Variants in UBXN11 observed in about 807,000 individuals in gnomAD.
The protein encoded by UBXN11 is UBX domain protein 11, also known as UBX domain-containing protein 11.
A neutral mutation model predicts 62.8 loss-of-function variants in UBXN11; 47 were observed. The observed-to-expected ratio is 0.75, with a 90% CI of 0.59 to 0.95. The LOEUF (loss-of-function observed/expected upper bound fraction) is 0.95, where lower values mean the gene tolerates loss of function less well. UBXN11 is among the 40% of genes least tolerant of loss of function. The pLI is 0.00. For synonymous variants in UBXN11, 294 were observed against 267.0 expected (o/e 1.10, Z -0.99); for missense variants, 638 against 661.7 (o/e 0.96, Z 0.39).
rs537188568 is a variant in UBXN11, at chr1:26,285,550, G to T, written c.775-9C>A. On this transcript the variant is annotated splice_polypyrimidine_tract_variant and intron_variant, in intron 9 of 14. Coordinates refer to ENST00000374222, the MANE Select transcript of UBXN11 (RefSeq NM_001389556.1). The stretch of plus-strand genomic sequence containing the variant: ...ATGTCTCGGAGGCAGCGCTGCAAGG[G>T]AAGAGGAAAAGTGAGGGGGTGGCCT... The T allele has an allele frequency of 6.4e-7, 1 of 1,570,262 alleles. No individual in the cohort carries two copies. The highest frequency in any genetic ancestry group is 2.3e-5 in the East Asian group (1 of 44,102).
intron 1 of UBXN11, among the ~76,000 whole-genome samples, chr1:26,305,681 A>G (rs76727197): frequency 2.0e-4 from 31 of 151,634 alleles, no homozygotes; most frequent in Admixed American, 5.9e-4. Flanking sequence ...CTGTCATGGG[A>G]AAAAAAAACA....
At chr1:26,286,481 T>C (rs2073137162) in intron 8 of UBXN11, among the ~76,000 whole-genome samples, 1 of 152,220 alleles carries the variant, frequency 6.6e-6, no homozygotes, top group Admixed American at 6.5e-5. Flanking sequence ...TCCTCCCTTC[T>C]ATCTGTGTGA....
intron 8 of UBXN11, among the ~76,000 whole-genome samples, chr1:26,288,087 T>C (rs542193966): frequency 6.6e-6 from 1 of 151,682 alleles, no homozygotes; most frequent in Non-Finnish European, 1.5e-5. Flanking sequence ...AAAAAAAAAT[T>C]GTAGAGATGG....
At chr1:26,310,493 G>A (rs1011906117), upstream of UBXN11, among the ~76,000 whole-genome samples, 5 of 149,788 alleles carry the variant, frequency 3.3e-5, no homozygotes, top group Admixed American at 1.3e-4. Flanking sequence ...AGCCAAGGTC[G>A]CATCACTGCA....
chr1:26,298,122 G>A (rs2073440997), intron 4 of UBXN11, 60 bp from the exon 5 acceptor site: 7 of 1,538,302 alleles, frequency 4.6e-6, no homozygotes, highest in East Asian at 2.3e-5. Context: ...GTTGTGGGGG[G>A]GAGGGAGGAG....
chr1:26,308,275 A>AAAAAAAAAAAAAAAG (rs1553165241), upstream of UBXN11, among the ~76,000 whole-genome samples: 1 of 141,240 alleles, frequency 7.1e-6, no homozygotes, highest in Non-Finnish European at 1.5e-5. Flanking sequence ...CAAAAAAAAA[A>AAAAAAAAAAAAAAAG]AAAAGAAAAG....
upstream of UBXN11, among the ~76,000 whole-genome samples, chr1:26,310,964 G>A (rs534920489): frequency 4.6e-5 from 7 of 152,004 alleles, no homozygotes; most frequent in African/African-American, 1.4e-4. Context: ...AGATGGGGTC[G>A]CCCAGCCTCA....
intron 1 of UBXN11, among the ~76,000 whole-genome samples, chr1:26,315,986 G>T (rs1445301710): frequency 2.6e-5 from 3 of 113,916 alleles, no homozygotes; most frequent in Non-Finnish European, 3.6e-5. Context: ...TTGAGACAGG[G>T]TCTTGCTCTG....
rs2073034486 is a variant in UBXN11 at position 26,282,898 on chromosome 1, C to T, written c.1117G>A (p.Val373Met). The T allele has an allele frequency of 3.1e-6, 5 of 1,614,208 alleles. No individual in the cohort carries two copies. The highest frequency in any genetic ancestry group is 4.2e-6 in the Non-Finnish European group (5 of 1,180,034). The change falls in exon 13 of 15, where the codon GTG becomes ATG. Residue 373 changes from valine to methionine, a missense_variant. By Grantham distance (21) the Val-to-Met change is conservative. Transcript: ENST00000374222. ...TCAGCGGCCAAGGTGGGCGTCTCCA[C>T]CACAATCTCCTGGATCCGGGCAGGC... ...PLPARIQEIV[V>M]ETPTLAAERE...
In UBXN11 at chr1:26,287,320, C is replaced by T. The variant is rs115282793; in HGVS notation, c.560-1283G>A. 5.9e-3 allele frequency among the ~76,000 whole-genome samples: 897 copies of T among 152,098 alleles called. 8 individuals carry two copies. The highest frequency in any genetic ancestry group is 0.021 in the African/African-American group (874 of 41,474). ...GCCTCCTCTTCTGAAACACGTGTGGCGCATACAGCTGTGTTCTGGCTTCAG... is the reference window on the plus strand; with the variant it reads ...GCCTCCTCTTCTGAAACACGTGTGGTGCATACAGCTGTGTTCTGGCTTCAG... On this transcript the variant is annotated intron_variant, in intron 8 of 14. Transcript: ENST00000374222.
chr1:26,287,482 C>T (rs1204166733), intron 8 of UBXN11, among the ~76,000 whole-genome samples: 3 of 151,824 alleles, frequency 2.0e-5, no homozygotes, highest in Non-Finnish European at 4.4e-5. Context: ...AGTAAGTCAT[C>T]TGTTTGGGTG....
chr1:26,308,659 T>A (rs1315713448), upstream of UBXN11, among the ~76,000 whole-genome samples: 1 of 152,180 alleles, frequency 6.6e-6, no homozygotes, highest in Non-Finnish European at 1.5e-5. Flanking sequence ...ATGGTCAGGG[T>A]GAGTAGCAAC....
At chr1:26,297,739 A>C (rs1390630700) in intron 5 of UBXN11, among the ~76,000 whole-genome samples, 1 of 152,186 alleles carries the variant, frequency 6.6e-6, no homozygotes, top group East Asian at 1.9e-4. Flanking sequence ...CACCCAGTCC[A>C]GGGTCTACTG....
intron 10 of UBXN11, chr1:26,284,750 CG>C (rs2073087170): frequency 8.0e-7 from 1 of 1,243,310 alleles, no homozygotes. Flanking sequence ...AGGAGCCTAC[CG>C]TGAAGGCAGA....
intron 8 of UBXN11, among the ~76,000 whole-genome samples, chr1:26,290,845 G>GT (rs1009015967): frequency 6.6e-6 from 1 of 151,544 alleles, no homozygotes; most frequent in Non-Finnish European, 1.5e-5. Context: ...GATGCAGAGG[G>GT]TGGGGGGGAA....
rs41284343 is a variant in UBXN11 at position 26,296,894 on chromosome 1, A to G, written c.432+25T>C. On this transcript the variant is annotated intron_variant, in intron 7 of 14. Coordinates refer to ENST00000374222, the MANE Select transcript of UBXN11 (RefSeq NM_001389556.1). Reference sequence around the variant, plus strand: ...GAGCTGGGGACTGCTGGCTGCCCGCATCCCCCGGGGCCCAGCTCTCTCACC... The same window carrying G: ...GAGCTGGGGACTGCTGGCTGCCCGCGTCCCCCGGGGCCCAGCTCTCTCACC... The G allele has an allele frequency of 5.6e-3, 8,934 of 1,589,052 alleles. 42 individuals are homozygous for G. Among genetic ancestry groups the G allele is most frequent in the Non-Finnish European group, 7.2e-3 (8,343 of 1,166,530 alleles).
At position 26,282,495 on chromosome 1, in the gene UBXN11, A is replaced by C. The variant is rs2073021590; in HGVS notation, c.1367T>G (p.Leu456Arg). The C allele has an allele frequency of 6.2e-7, 1 of 1,606,560 alleles. No homozygotes were observed. Among genetic ancestry groups the C allele is most frequent in the Non-Finnish European group, 8.5e-7 (1 of 1,175,868 alleles). Residue 456 changes from leucine (L) to arginine (R), a missense_variant, in exon 15 of 15, where the codon CTG (leucine) becomes CGG (arginine). Coordinates refer to ENST00000374222, the MANE Select transcript of UBXN11 (RefSeq NM_001389556.1). Reference protein sequence around the residue: ...PTLYQDDTLTLQAAGLVPKAA... With the variant: ...PTLYQDDTLTRQAAGLVPKAA... ...TTTGGGCACAAGGCCTGCAGCCTGC[A>C]GCGTGAGTGTATCGTCCTGGTAGAG...
At chr1:26,285,728 G>A in intron 9 of UBXN11, 95 bp downstream of exon 9, 1 of 1,472,042 alleles carries the variant, frequency 6.8e-7, no homozygotes, top group Non-Finnish European at 9.1e-7. Flanking sequence ...CCCGTGGAGG[G>A]CAGGCTGGGC....
rs1266180904 is a variant in UBXN11 at position 26,284,347 on chromosome 1, G to C, written c.973+15C>G. On this transcript the variant is annotated intron_variant, in intron 11 of 14. Coordinates refer to ENST00000374222, the MANE Select transcript of UBXN11 (RefSeq NM_001389556.1). ...GTCCCCCAGCCCCCTGGCTCAGCCT[G>C]GAGGCCAAACTCACCTGGGTGCTCC... 4 of 1,614,056 alleles carry C rather than the reference G, an allele frequency of 2.5e-6. No individual in the cohort carries two copies. The highest frequency in any genetic ancestry group is 3.4e-6 in the Non-Finnish European group (4 of 1,179,960).
Sources: gnomAD v4.1 joint callset for allele counts (sites outside exome capture counted in the v4.1 genomes callset) on GRCh38, gnomAD v4.1.1 for gene constraint, MANE v1.5 for transcripts, NCBI Gene and HGNC (gene_info 2026-07-23, HGNC 2026-07-21) for gene names.